CELF2: variants seen among roughly 807,000 people sequenced by gnomAD.
The protein encoded by CELF2 is CUG triplet repeat RNA-binding protein 2.
In CELF2, 8 loss-of-function variants were observed where a neutral mutation model predicts 62.6. The observed-to-expected ratio is 0.13, with a 90% CI of 0.07 to 0.23. CELF2 has a LOEUF of 0.23. Among genes scored for constraint, CELF2 ranks in the 10% least tolerant of loss-of-function variants. CELF2 has a pLI of 1.00. For missense variants in CELF2, 333 were observed against 671.0 expected (o/e 0.50, Z 5.56); for synonymous variants, 258 against 250.0 (o/e 1.03, Z -0.30).
chr10:10,675,545 A>T, the CELF2 span, among the ~76,000 whole-genome samples: 1 of 151,922 alleles, frequency 6.6e-6, no homozygotes, highest in Admixed American at 6.6e-5. Context: ...TTTTTCAGCT[A>T]TGTTTCAAGT....
At chr10:10,560,568 T>C in the CELF2 span, among the ~76,000 whole-genome samples, 1 of 152,148 alleles carries the variant, frequency 6.6e-6, no homozygotes. Context: ...ACACTGCTGG[T>C]GTGAATGCAA....
At chr10:10,579,803 A>T in the CELF2 span, among the ~76,000 whole-genome samples, 1 of 152,108 alleles carries the variant, frequency 6.6e-6, no homozygotes, top group Non-Finnish European at 1.5e-5. Flanking sequence ...TCTGAGAAAG[A>T]AACAAAATTG....
intron 1 of CELF2, among the ~76,000 whole-genome samples, chr10:10,818,850 T>C (rs2056725414): frequency 6.6e-6 from 1 of 152,200 alleles, no homozygotes; most frequent in African/African-American, 2.4e-5. Context: ...AATGTTGGGA[T>C]TACAGGCATG....
At chr10:10,775,023 T>TA in the CELF2 span, among the ~76,000 whole-genome samples, 1 of 151,786 alleles carries the variant, frequency 6.6e-6, no homozygotes, top group Non-Finnish European at 1.5e-5. Context: ...GGATCACAGG[T>TA]GTTCACCATC....
chr10:11,158,976 C>T (rs1209895889), intron 1 of CELF2, among the ~76,000 whole-genome samples: 1 of 152,140 alleles, frequency 6.6e-6, no homozygotes, highest in Non-Finnish European at 1.5e-5. Context: ...ATATAGGAAA[C>T]CTGAACCTTT....
chr10:10,668,690 G>A, the CELF2 span, among the ~76,000 whole-genome samples: 1 of 152,144 alleles, frequency 6.6e-6, no homozygotes, highest in Non-Finnish European at 1.5e-5. Context: ...AAGCACAGTG[G>A]CTCATGCCTG....
rs572386013 is a variant in CELF2 at position 11,216,372 on chromosome 10, T to C, written c.272-1053T>C. Among the ~76,000 whole-genome samples the C allele has an allele frequency of 3.9e-5, 6 of 152,346 alleles. No individual in the cohort carries two copies. In the South Asian group the frequency reaches 8.3e-4, roughly 21 times the overall value. On this transcript the variant is annotated intron_variant, in intron 2 of 12. Coordinates refer to ENST00000633077, the MANE Select transcript of CELF2 (RefSeq NM_001326342.2). ...GGCCCCTGTCTGGCTCCGTGCGTTA[T>C]GTTCCTTTAATAAAGCCAAAATAAA...
At chr10:10,910,926 A>G (rs2063759045) in intron 1 of CELF2, among the ~76,000 whole-genome samples, 1 of 152,206 alleles carries the variant, frequency 6.6e-6, no homozygotes. Flanking sequence ...TTCAATGAGC[A>G]GGAATTGTTA....
intron 2 of CELF2, among the ~76,000 whole-genome samples, chr10:11,203,165 G>A (rs772184668): frequency 1.1e-4 from 16 of 152,068 alleles, no homozygotes; most frequent in South Asian, 2.1e-4. Flanking sequence ...CTACTCTAGC[G>A]TGCATGCAGC....
the CELF2 span, among the ~76,000 whole-genome samples, chr10:10,679,859 T>C: frequency 5.3e-5 from 8 of 152,352 alleles, no homozygotes; most frequent in East Asian, 1.9e-4. Flanking sequence ...CAATTTAGAA[T>C]GGTAATCTCT....
chr10:10,873,830 TTG>T (rs1169839069), intron 1 of CELF2, among the ~76,000 whole-genome samples: 1 of 152,202 alleles, frequency 6.6e-6, no homozygotes, highest in Non-Finnish European at 1.5e-5. Context: ...CTTCACCCCT[TTG>T]TCCAGCCTTC....
upstream of CELF2, among the ~76,000 whole-genome samples, chr10:11,003,155 ACT>A (rs1258361374): frequency 1.3e-5 from 2 of 152,150 alleles, no homozygotes; most frequent in African/African-American, 2.4e-5. This position sits in a 1 kb window ranked among gnomAD's most constrained non-coding sequence, Gnocchi z 4.4. Context: ...CAGGTACTAA[ACT>A]CTACCTCAAT....
Position 10,934,178 on chromosome 10 carries a change from G to GTTTTC in CELF2, c.89+14180_89+14184dup, listed in dbSNP as rs1373963544. 2.0e-5 allele frequency among the ~76,000 whole-genome samples: 3 copies of GTTTTC among 152,074 alleles called. No homozygotes were observed. Among genetic ancestry groups the GTTTTC allele is most frequent in the African/African-American group, 7.2e-5 (3 of 41,404 alleles). On this transcript the variant is annotated intron_variant, in intron 2 of 13. Coordinates refer to the CELF2 transcript ENST00000636488. The surrounding 1 kb of genome is among the most constrained non-coding windows in gnomAD (Gnocchi z 4.4). ...ACCTTATTGTGATTTGCTTTGTTTTGTTTTCAATACCAGTAGGGGCATTGG... is the reference window on the plus strand; with the variant it reads ...ACCTTATTGTGATTTGCTTTGTTTTGTTTTCTTTTCAATACCAGTAGGGGCATTGG...
At chr10:10,787,059 T>C in the CELF2 span, among the ~76,000 whole-genome samples, 1 of 152,352 alleles carries the variant, frequency 6.6e-6, no homozygotes, top group Non-Finnish European at 1.5e-5. Flanking sequence ...ACAAAAATTA[T>C]GTGGCGTGTG....
At chr10:10,585,692 G>C in the CELF2 span, among the ~76,000 whole-genome samples, 1 of 152,174 alleles carries the variant, frequency 6.6e-6, no homozygotes, top group Non-Finnish European at 1.5e-5. Flanking sequence ...AGTCAATAAA[G>C]AGAAGTCTCT....
chr10:10,552,791 A>G, the CELF2 span, among the ~76,000 whole-genome samples: 33 of 152,324 alleles, frequency 2.2e-4, no homozygotes, highest in African/African-American at 7.0e-4. Flanking sequence ...AGTGTCTTCT[A>G]TCTTAACTTC....
the CELF2 span, among the ~76,000 whole-genome samples, chr10:10,699,622 G>A: frequency 2.0e-5 from 3 of 152,158 alleles, no homozygotes; most frequent in Non-Finnish European, 2.9e-5. Flanking sequence ...TGACGGGTGA[G>A]GAAGCACCTC....
rs2057626035 is a variant in CELF2 at position 11,018,220 on chromosome 10, C to T, written c.74+57C>T. 3.5e-6 allele frequency: 5 copies of T among 1,442,560 alleles called. No homozygotes were observed. In the South Asian group the frequency reaches 5.0e-5, roughly 14 times the overall value. 89.4% of individuals were successfully genotyped at this position (1,442,560 alleles called of 1,614,324 possible). On this transcript the variant is annotated intron_variant, in intron 1 of 12. Coordinates refer to ENST00000633077, the MANE Select transcript of CELF2 (RefSeq NM_001326342.2). The stretch of plus-strand genomic sequence containing the variant: ...GCGGGCGTCCTCCTCCCAGAGTCGG[C>T]GGCGCGAAGGGGACGGGCGTCGCCC...
In CELF2 at chr10:11,286,232, C is replaced by G. The variant is rs576344235; in HGVS notation, c.842-2186C>G. Among the ~76,000 whole-genome samples, 320 of 152,306 alleles carry G rather than the reference C, an allele frequency of 2.1e-3. 1 individual carries two copies. Among genetic ancestry groups the G allele is most frequent in the Middle Eastern group, 3.4e-3 (1 of 294 alleles). ...CACAGCTCCATCACTGAGGCTCCTACCTGGGAGGGTCATATATGTCCTGGA... is the reference window on the plus strand; with the variant it reads ...CACAGCTCCATCACTGAGGCTCCTAGCTGGGAGGGTCATATATGTCCTGGA... On this transcript the variant is annotated intron_variant, in intron 8 of 12. Coordinates refer to ENST00000633077, the MANE Select transcript of CELF2 (RefSeq NM_001326342.2).
Sources: gnomAD v4.1 joint callset for allele counts (sites outside exome capture counted in the v4.1 genomes callset) on GRCh38, gnomAD v4.1.1 for gene constraint, Gnocchi (gnomAD v3.1) non-coding constraint, MANE v1.5 for transcripts, NCBI Gene and HGNC (gene_info 2026-07-23, HGNC 2026-07-21) for gene names.